The following RALGDS variants were observed in gnomAD, a reference collection of about 807,000 sequenced individuals.
The protein encoded by RALGDS is ral guanine nucleotide exchange factor.
A neutral mutation model predicts 99.8 loss-of-function variants in RALGDS; 44 were observed. The observed-to-expected ratio is 0.44, with a 90% CI of 0.35 to 0.57. The LOEUF (loss-of-function observed/expected upper bound fraction) is 0.57, where lower values mean the gene tolerates loss of function less well. RALGDS is among the 20% of genes least tolerant of loss of function. The pLI, the probability that RALGDS is intolerant of heterozygous loss-of-function variation, is 0.01. For synonymous variants in RALGDS, 529 were observed against 505.0 expected (o/e 1.05, Z -0.64); for missense variants, 1,022 against 1,203.1 (o/e 0.85, Z 2.23).
intron 17 of RALGDS, chr9:133,100,029 C>T: frequency 1.7e-6 from 1 of 584,924 alleles, no homozygotes. Flanking sequence ...TTTCTCTTTG[C>T]TCCTCACTGA....
chr9:133,116,778 C>T (rs769411031), intron 1 of RALGDS, among the ~76,000 whole-genome samples: 4 of 152,260 alleles, frequency 2.6e-5, no homozygotes, highest in Non-Finnish European at 5.9e-5. Flanking sequence ...GAGAGGAACT[C>T]GCCCAGGTCA....
At chr9:133,105,233 C>T (rs1045374816) in intron 9 of RALGDS, among the ~76,000 whole-genome samples, 1 of 152,166 alleles carries the variant, frequency 6.6e-6, no homozygotes, top group Non-Finnish European at 1.5e-5. Context: ...GATGCCATTT[C>T]ACTGACCGGG....
upstream of RALGDS, among the ~76,000 whole-genome samples, chr9:133,124,053 CAG>C (rs1192364489): frequency 2.6e-5 from 3 of 116,610 alleles, 1 homozygote; most frequent in Non-Finnish European, 5.4e-5. Flanking sequence ...CACAGAGAGA[CAG>C]AGACACAGAC....
At chr9:133,141,733 C>T (rs1380675430) in intron 1 of RALGDS, among the ~76,000 whole-genome samples, 3 of 152,244 alleles carry the variant, frequency 2.0e-5, no homozygotes, top group Admixed American at 2.0e-4. Context: ...TGACATAATT[C>T]ACAGGGCAAT....
Position 133,111,447 on chromosome 9 carries a change from A to G in RALGDS, c.294+595T>C, listed in dbSNP as rs575520534. On this transcript the variant is annotated intron_variant, in intron 2 of 17. Coordinates refer to ENST00000372050, the MANE Select transcript of RALGDS (RefSeq NM_006266.4). ...AGGCACACACCACCATGCTTGGCTA[A>G]TTTTTGTATTTTTAGTAGAGATGGG... is the stretch of plus-strand genomic sequence containing the variant. Among the ~76,000 whole-genome samples, 6 of 152,186 alleles carry G rather than the reference A, an allele frequency of 3.9e-5. No individual in the cohort carries two copies. In the East Asian group the frequency reaches 1.2e-3, roughly 29 times the overall value.
chr9:133,122,832 G>T (rs966352609), upstream of RALGDS, among the ~76,000 whole-genome samples: 1 of 152,110 alleles, frequency 6.6e-6, no homozygotes, highest in Admixed American at 6.6e-5. Flanking sequence ...AGCCTCTCGA[G>T]GAGCTGGGAT....
In RALGDS at chr9:133,105,823, C is replaced by CA; in HGVS notation, c.1602+108dup. 10 of 227,012 alleles carry CA rather than the reference C, an allele frequency of 4.4e-5. 1 individual carries two copies. The highest frequency in any genetic ancestry group is 1.4e-4 in the Admixed American group (2 of 14,660). The allele number at this position is 227,012 out of a possible 1,614,324, so 14.1% of individuals were successfully genotyped here. On this transcript the variant is annotated intron_variant, in intron 9 of 17. Coordinates refer to ENST00000372050, the MANE Select transcript of RALGDS (RefSeq NM_006266.4). Reference sequence around the variant, plus strand: ...AAGCGAATGCCACCGCCCGCCGCCCCAGCCCCCGCCCCAGCCCCCGCCCCA... The same window carrying CA: ...AAGCGAATGCCACCGCCCGCCGCCCCAAGCCCCCGCCCCAGCCCCCGCCCCA...
At chr9:133,129,211 G>A (rs776951250) in intron 1 of RALGDS, 7 of 1,597,142 alleles carry the variant, frequency 4.4e-6, no homozygotes, top group East Asian at 2.2e-5. Context: ...GACGGGCGAC[G>A]GCCCTTCTCC....
chr9:133,143,072 C>T (rs1254480895), intron 1 of RALGDS, among the ~76,000 whole-genome samples: 4 of 152,222 alleles, frequency 2.6e-5, no homozygotes, highest in South Asian at 4.1e-4. Flanking sequence ...TAGCACAAGG[C>T]CTACAGGCTG....
chr9:133,099,685 C>A (rs1190971539), intron 17 of RALGDS: 1 of 166,394 alleles, frequency 6.0e-6, no homozygotes, highest in Non-Finnish European at 1.3e-5. Context: ...TAGATTTTTA[C>A]ATATATGATG....
At chr9:133,138,103 G>C (rs928941538) in intron 1 of RALGDS, among the ~76,000 whole-genome samples, 125 of 152,350 alleles carry the variant, frequency 8.2e-4, no homozygotes, top group African/African-American at 2.8e-3. Flanking sequence ...TGGGGCTACT[G>C]TTTCCAAAGG....
chr9:133,098,521 C>G lies in RALGDS; in HGVS notation c.*66G>C, dbSNP rs1366378863. ...TGGCAGGTGGGAGGAAGGCGCCCAG[C>G]TGGCCTGGGCCACTCTGGTCCATAA... On this transcript the variant is annotated 3_prime_UTR_variant, in exon 18 of 18. Transcript: ENST00000372050. The G allele has an allele frequency of 1.3e-6, 2 of 1,567,130 alleles. No individual in the cohort carries two copies. The highest frequency in any genetic ancestry group is 2.7e-5 in the African/African-American group (2 of 73,970).
In RALGDS at chr9:133,110,918, C is replaced by CA. The variant is rs369200372; in HGVS notation, c.295-430dup. ...GCAACATGGCAAAACCCCATCTCTA[C>CA]AAAAAATACAAAATTAGCCAGGTGT... On this transcript the variant is annotated intron_variant, in intron 2 of 17. Coordinates refer to ENST00000372050, the MANE Select transcript of RALGDS (RefSeq NM_006266.4). Among the ~76,000 whole-genome samples the CA allele has an allele frequency of 3.7e-3, 568 of 151,580 alleles. 5 individuals carry two copies. Among genetic ancestry groups the CA allele is most frequent in the African/African-American group, 0.013 (554 of 41,204 alleles).
intron 1 of RALGDS, among the ~76,000 whole-genome samples, chr9:133,140,849 G>A (rs377515881): frequency 6.6e-6 from 1 of 151,980 alleles, no homozygotes; most frequent in Admixed American, 6.6e-5. Flanking sequence ...GTGGGCCGGG[G>A]CTGCACGCAC....
chr9:133,143,777 C>CAACAACAATAATAATAATAAT (rs1832569772), intron 1 of RALGDS, among the ~76,000 whole-genome samples: 1 of 114,534 alleles, frequency 8.7e-6, no homozygotes, highest in East Asian at 2.5e-4. Flanking sequence ...ATAATAACAA[C>CAACAACAATAATAATAATAAT]AACAACAACA....
chr9:133,115,859 G>T (rs1042817375), intron 1 of RALGDS, among the ~76,000 whole-genome samples: 1 of 152,246 alleles, frequency 6.6e-6, no homozygotes, highest in East Asian at 1.9e-4. Context: ...GTGGGTGGGA[G>T]CAGCTTTCTG....
In RALGDS at chr9:133,108,684, G is replaced by A; in HGVS notation, c.767C>T (p.Ala256Val). 6.2e-7 allele frequency: 1 copy of A among 1,613,544 alleles called. No homozygotes were observed. Among genetic ancestry groups the A allele is most frequent in the Non-Finnish European group, 8.5e-7 (1 of 1,179,984 alleles). Residue 256 changes from alanine to valine, a missense_variant, in exon 5 of 18, where the codon GCA (alanine) becomes GTA (valine). Physicochemically the swap from Ala to Val is moderately conservative, Grantham distance 64. Coordinates refer to ENST00000372050, the MANE Select transcript of RALGDS (RefSeq NM_006266.4). Reference protein sequence around the residue: ...AQLEHSEPIEAEPEALSPVPA... With the variant: ...AQLEHSEPIEVEPEALSPVPA... ...CCAGTCCTCCTCACCCTCAGGCTCT[G>A]CCTCAATGGGTTCCGAGTGCTCCAG... is the stretch of plus-strand genomic sequence containing the variant.
chr9:133,116,070 G>C (rs925762498), intron 1 of RALGDS, among the ~76,000 whole-genome samples: 1 of 152,254 alleles, frequency 6.6e-6, no homozygotes, highest in Non-Finnish European at 1.5e-5. Context: ...TGAGAGCCCA[G>C]GACTTCTCAA....
At chr9:133,107,345 G>A in intron 6 of RALGDS, 45 bp from the exon 7 acceptor site, 2 of 1,524,526 alleles carry the variant, frequency 1.3e-6, no homozygotes, top group Non-Finnish European at 9.0e-7. Context: ...CCAGCAGTCT[G>A]GGCTGGTGCT....
Sources: gnomAD v4.1 joint callset for allele counts (sites outside exome capture counted in the v4.1 genomes callset) on GRCh38, gnomAD v4.1.1 for gene constraint, MANE v1.5 for transcripts, NCBI Gene and HGNC (gene_info 2026-07-23, HGNC 2026-07-21) for gene names.